ZDHHC15: variants seen among roughly 807,000 people sequenced by gnomAD.
The protein encoded by ZDHHC15 is palmitoyltransferase ZDHHC15.
In ZDHHC15, 19 loss-of-function variants were observed where a neutral mutation model predicts 31.7. That is an observed-to-expected ratio of 0.60 (90% CI 0.42 to 0.88). The LOEUF is 0.88. Among genes scored for constraint, ZDHHC15 ranks in the 40% least tolerant of loss-of-function variants. The pLI, the probability that ZDHHC15 is intolerant of heterozygous loss-of-function variation, is 0.00. For synonymous variants in ZDHHC15, 103 were observed against 90.0 expected, an observed-to-expected ratio of 1.14 and a Z score of -0.82; for missense variants, 209 against 251.2, an observed-to-expected ratio of 0.83 and a Z score of 1.14.
At chrX:75,514,713 T>C (rs748660642) in intron 1 of ZDHHC15, among the ~76,000 whole-genome samples, 48 of 111,807 alleles carry the variant, frequency 4.3e-4, no homozygotes, top group Non-Finnish European at 7.2e-4. Flanking sequence ...CCAATGGTCT[T>C]AGCAAATGGA....
chrX:75,401,731 G>A (rs899456127), intron 10 of ZDHHC15, among the ~76,000 whole-genome samples: 1 of 111,841 alleles, frequency 8.9e-6, no homozygotes, highest in Non-Finnish European at 1.9e-5. Context: ...GGAGTATCCA[G>A]ATTCATAAAG....
intron 10 of ZDHHC15, among the ~76,000 whole-genome samples, chrX:75,407,550 G>T (rs2083431358): frequency 9.0e-6 from 1 of 111,182 alleles, no homozygotes; most frequent in South Asian, 3.8e-4. Context: ...GGAGGGAGGT[G>T]GGGGGCAGCC....
chrX:75,489,087 T>C (rs367769214), intron 2 of ZDHHC15, among the ~76,000 whole-genome samples: 3 of 111,842 alleles, frequency 2.7e-5, no homozygotes, highest in African/African-American at 6.5e-5. Flanking sequence ...TAAACAAAGC[T>C]GCCTGGAAGA....
intron 3 of ZDHHC15, among the ~76,000 whole-genome samples, chrX:75,474,786 G>A (rs903820554): frequency 7.2e-5 from 8 of 110,516 alleles, no homozygotes; most frequent in Admixed American, 2.9e-4. Context: ...GGCCGGGCGC[G>A]GTGGCTCATG....
At chrX:75,476,715 C>G (rs1029871356) in intron 3 of ZDHHC15, among the ~76,000 whole-genome samples, 1 of 104,395 alleles carries the variant, frequency 9.6e-6, no homozygotes, top group Admixed American at 1.1e-4. Flanking sequence ...CCTTCCCTCC[C>G]TTCTCCTCTC....
intron 2 of ZDHHC15, among the ~76,000 whole-genome samples, chrX:75,492,197 A>C (rs144202251): frequency 9.0e-6 from 1 of 111,679 alleles, no homozygotes; most frequent in Admixed American, 9.5e-5. Context: ...ACATTAGATA[A>C]TGGTAAAGGG....
At position 75,495,635 on chromosome X, in the gene ZDHHC15, C is replaced by T. The variant is rs375164848; in HGVS notation, c.163+10186G>A. Among the ~76,000 whole-genome samples, 10 of 110,204 alleles carry T rather than the reference C, an allele frequency of 9.1e-5. No homozygotes were observed. In the East Asian group the frequency reaches 2.6e-3, roughly 28 times the overall value. ...GATGAGTTCATGTCCTTTGTAGAGA[C>T]ATGGATGAAACTGTAAAAGATCATT... On this transcript the variant is annotated intron_variant, in intron 2 of 11. Coordinates refer to ENST00000373367, the MANE Select transcript of ZDHHC15 (RefSeq NM_144969.3).
At chrX:75,406,756 G>A (rs1204595910) in intron 10 of ZDHHC15, among the ~76,000 whole-genome samples, 1 of 106,737 alleles carries the variant, frequency 9.4e-6, no homozygotes, top group Non-Finnish European at 1.9e-5. Flanking sequence ...TCTACCAAAT[G>A]TTTAAGGAAG....
intron 2 of ZDHHC15, among the ~76,000 whole-genome samples, chrX:75,482,111 T>G (rs1332098011): frequency 9.1e-6 from 1 of 110,447 alleles, no homozygotes; most frequent in Non-Finnish European, 1.9e-5. Context: ...TCCCAATAGA[T>G]GATGGAGACT....
Position 75,424,031 on chromosome X carries a change from C to A in ZDHHC15, c.736+621G>T, listed in dbSNP as rs771324611. The stretch of plus-strand genomic sequence containing the variant: ...AATCCATCAGTAATATAGTTTTCCA[C>A]ATAATAGCCTATAGACTAACTGACA... On this transcript the variant is annotated intron_variant, in intron 8 of 11. Transcript: ENST00000373367. Among the ~76,000 whole-genome samples, 9 of 111,437 alleles carry A rather than the reference C, an allele frequency of 8.1e-5. No homozygotes were observed. In the South Asian group the frequency reaches 3.4e-3, roughly 42 times the overall value.
chrX:75,452,458 C>A (rs775511520), intron 3 of ZDHHC15, among the ~76,000 whole-genome samples: 1 of 111,259 alleles, frequency 9.0e-6, no homozygotes, highest in Admixed American at 9.6e-5. Context: ...TAACACCCCA[C>A]TGTCAATATT....
Position 75,478,903 on chromosome X carries a change from C to T in ZDHHC15, c.246G>A (p.Gln82=), listed in dbSNP as rs780978876. The T allele has an allele frequency of 8.3e-7, 1 of 1,200,754 alleles. No homozygotes were observed. Among genetic ancestry groups the T allele is most frequent in the Admixed American group, 2.2e-5 (1 of 45,157 alleles). The change falls in exon 3 of 12, where the codon CAG becomes CAA. Residue 82 remains glutamine, a synonymous_variant. Coordinates refer to ENST00000373367, the MANE Select transcript of ZDHHC15 (RefSeq NM_144969.3). ...YWKSIFTLPQ[Q]PNQKFHLSYT... is the part of the protein sequence containing the mutation. The stretch of plus-strand genomic sequence containing the variant: ...CCAATATTCTTACCTTCTGGTTTGG[C>T]TGCTGTGGGAGTGTAAAGATAGACT...
chrX:75,500,470 T>C (rs1009338201), intron 2 of ZDHHC15, among the ~76,000 whole-genome samples: 1 of 109,533 alleles, frequency 9.1e-6, no homozygotes, highest in Non-Finnish European at 1.9e-5. Context: ...TATATAAATA[T>C]ACATACCTAT....
chrX:75,472,268 G>T (rs2147961169), intron 3 of ZDHHC15, among the ~76,000 whole-genome samples: 1 of 111,539 alleles, frequency 9.0e-6, no homozygotes, highest in South Asian at 3.8e-4. Context: ...TTCACAGATG[G>T]TTCTACACGA....
chrX:75,454,152 C>G (rs755819411), intron 3 of ZDHHC15, among the ~76,000 whole-genome samples: 5 of 111,813 alleles, frequency 4.5e-5, no homozygotes, highest in Non-Finnish European at 7.5e-5. Flanking sequence ...ATCGTCTCAG[C>G]CCAAAATCTC....
chrX:75,391,435 C>T (rs1304271757), intron 10 of ZDHHC15, among the ~76,000 whole-genome samples: 1 of 111,107 alleles, frequency 9.0e-6, no homozygotes, highest in Non-Finnish European at 1.9e-5. Context: ...AATAAAACTT[C>T]CAAAGGTGAC....
intron 10 of ZDHHC15, among the ~76,000 whole-genome samples, chrX:75,409,448 A>T (rs1476102654): frequency 7.0e-5 from 6 of 85,640 alleles, no homozygotes; most frequent in African/African-American, 2.8e-4. Context: ...AGATTGTGCC[A>T]CTACACTCCA....
intron 4 of ZDHHC15, among the ~76,000 whole-genome samples, chrX:75,450,492 C>T (rs865803519): frequency 1.8e-5 from 2 of 111,542 alleles, no homozygotes; most frequent in Admixed American, 9.6e-5. Flanking sequence ...CTTTGAAATG[C>T]ATCAGAAACA....
chrX:75,447,371 C>T (rs1462476450), intron 4 of ZDHHC15, among the ~76,000 whole-genome samples: 5 of 112,594 alleles, frequency 4.4e-5, no homozygotes, highest in Admixed American at 9.4e-5. Flanking sequence ...GCCTTATCCA[C>T]CATCATGATA....
Sources: allele counts gnomAD v4.1 joint callset (sites outside exome capture counted in the v4.1 genomes callset), GRCh38; gene constraint gnomAD v4.1.1; transcripts MANE v1.5; gene names NCBI Gene and HGNC (gene_info 2026-07-23, HGNC 2026-07-21).